The following HIGD1C variants were observed in gnomAD, a reference collection of about 807,000 sequenced individuals.
HIGD1C encodes HIG1 hypoxia inducible domain family member 1C.
In HIGD1C, 11 loss-of-function variants were observed where a neutral mutation model predicts 13.1. That is an observed-to-expected ratio of 0.84 (90% confidence interval 0.53 to 1.39). The LOEUF (loss-of-function observed/expected upper bound fraction) is 1.39, where lower values mean the gene tolerates loss of function less well. Among genes scored for constraint, HIGD1C ranks in the 40% most tolerant of loss-of-function variants. The pLI is 0.00. For missense variants in HIGD1C, 110 were observed against 112.0 expected (o/e 0.98, Z 0.08); for synonymous variants, 36 against 37.7 (o/e 0.95, Z 0.17).
chr12:50,934,086 G>T, the HIGD1C span, among the ~76,000 whole-genome samples: 2 of 152,184 alleles, frequency 1.3e-5, no homozygotes, highest in African/African-American at 4.8e-5. Flanking sequence ...CTTGGTTGTG[G>T]TCATTGGGTT....
chr12:50,970,337 T>A, intron 2 of HIGD1C, 105 bp from the exon 5 acceptor site: 1 of 711,662 alleles, frequency 1.4e-6, no homozygotes, highest in Non-Finnish European at 2.5e-6. Context: ...CTTTGTTTGT[T>A]TCTGTTTAAA....
chr12:50,957,611 A>T (rs1939147143), intron 1 of HIGD1C, among the ~76,000 whole-genome samples: 1 of 150,494 alleles, frequency 6.6e-6, no homozygotes, highest in Non-Finnish European at 1.5e-5. Flanking sequence ...CCAACCAGGC[A>T]TGGTGGCTCA....
intron 2 of HIGD1C, among the ~76,000 whole-genome samples, chr12:50,961,768 T>A (rs754778506): frequency 1.3e-5 from 2 of 152,180 alleles, no homozygotes; most frequent in Non-Finnish European, 2.9e-5. Context: ...CACAATACTC[T>A]TAAGTCCCCT....
At chr12:50,960,270 C>T (rs1939275838) in intron 1 of HIGD1C, among the ~76,000 whole-genome samples, 1 of 152,312 alleles carries the variant, frequency 6.6e-6, no homozygotes, top group Middle Eastern at 3.4e-3. Flanking sequence ...TCTCACTCTA[C>T]TGGGTTTACT....
the HIGD1C span, among the ~76,000 whole-genome samples, chr12:50,948,579 T>C: frequency 6.6e-6 from 1 of 151,134 alleles, no homozygotes; most frequent in African/African-American, 2.4e-5. Flanking sequence ...TTCAATAATA[T>C]AAAAACACCG....
At chr12:50,953,490 T>C (rs943212856), upstream of HIGD1C, among the ~76,000 whole-genome samples, 28 of 152,210 alleles carry the variant, frequency 1.8e-4, no homozygotes, top group Non-Finnish European at 1.5e-5. Context: ...ACACAGTAGG[T>C]GCTTGGTAAA....
At chr12:50,967,750 G>A (rs929413706) in intron 2 of HIGD1C, among the ~76,000 whole-genome samples, 9 of 152,086 alleles carry the variant, frequency 5.9e-5, no homozygotes, top group African/African-American at 2.2e-4. Context: ...CTGTTCCTCT[G>A]GAAGTACTTC....
chr12:50,948,044 T>C, the HIGD1C span, among the ~76,000 whole-genome samples: 4 of 152,324 alleles, frequency 2.6e-5, 1 homozygote, highest in South Asian at 8.3e-4. Context: ...AATACTGCCC[T>C]TACACTCTAG....
chr12:50,958,973 T>C (rs566406867), intron 1 of HIGD1C, among the ~76,000 whole-genome samples: 2 of 151,854 alleles, frequency 1.3e-5, no homozygotes, highest in South Asian at 4.2e-4. Context: ...GCTGAGATTG[T>C]ACCACTTCAC....
intron 2 of HIGD1C, among the ~76,000 whole-genome samples, chr12:50,963,820 T>C (rs1256911218): frequency 2.0e-5 from 3 of 152,218 alleles, no homozygotes; most frequent in African/African-American, 4.8e-5. Context: ...GAAAATGCAG[T>C]TACAGGCTAC....
chr12:50,960,393 T>C (rs1398492215), intron 1 of HIGD1C, among the ~76,000 whole-genome samples: 2 of 152,204 alleles, frequency 1.3e-5, no homozygotes, highest in Admixed American at 1.3e-4. Flanking sequence ...GATAATAACT[T>C]TGTAGCATGC....
chr12:50,953,931 G>T (rs901713491), exon 1 of HIGD1C: 7 of 946,894 alleles, frequency 7.4e-6, no homozygotes, highest in Non-Finnish European at 1.2e-5. Flanking sequence ...TGATGGGAGA[G>T]GAAAAACAAA....
At chr12:50,945,569 C>G in the HIGD1C span, among the ~76,000 whole-genome samples, 3 of 151,988 alleles carry the variant, frequency 2.0e-5, no homozygotes, top group East Asian at 1.9e-4. Context: ...CACTGCTCAA[C>G]GAAATAAAAG....
At chr12:50,938,715 C>T in the HIGD1C span, among the ~76,000 whole-genome samples, 87 of 152,320 alleles carry the variant, frequency 5.7e-4, no homozygotes, top group African/African-American at 2.0e-3. Flanking sequence ...ATCACCATCA[C>T]CTTAGTTTGA....
At chr12:50,933,225 T>G in the HIGD1C span, among the ~76,000 whole-genome samples, 1 of 152,208 alleles carries the variant, frequency 6.6e-6, no homozygotes, top group East Asian at 1.9e-4. Context: ...TTGATAATCA[T>G]TGCTGCCATA....
chr12:50,945,410 A>C, the HIGD1C span, among the ~76,000 whole-genome samples: 1 of 152,222 alleles, frequency 6.6e-6, no homozygotes, highest in East Asian at 1.9e-4. Context: ...ATCAATGTGC[A>C]AAAATCATAA....
At chr12:50,969,835 ATG>A (rs1456575437) in intron 2 of HIGD1C, among the ~76,000 whole-genome samples, 2 of 152,162 alleles carry the variant, frequency 1.3e-5, no homozygotes, top group Non-Finnish European at 2.9e-5. Flanking sequence ...TGGTGGTGGT[ATG>A]TGAGTTGTAG....
intron 2 of HIGD1C, among the ~76,000 whole-genome samples, chr12:50,964,156 G>A (rs1276489479): frequency 6.6e-6 from 1 of 152,128 alleles, no homozygotes; most frequent in Non-Finnish European, 1.5e-5. Flanking sequence ...GAAAAAAATT[G>A]GGCTAATCTA....
intron 2 of HIGD1C, among the ~76,000 whole-genome samples, chr12:50,970,088 G>A (rs141289509): frequency 3.0e-4 from 46 of 151,954 alleles, no homozygotes; most frequent in Non-Finnish European, 4.9e-4. Context: ...TGTTTTCCTC[G>A]GGATACTGAG....
Sources: allele counts gnomAD v4.1 joint callset (sites outside exome capture counted in the v4.1 genomes callset), GRCh38; gene constraint gnomAD v4.1.1; transcripts MANE v1.5; gene names NCBI Gene and HGNC (gene_info 2026-07-23, HGNC 2026-07-21).